COLEC12: variants seen among roughly 807,000 people sequenced by gnomAD.
COLEC12 encodes collectin-12.
In COLEC12, 33 loss-of-function variants were observed where a neutral mutation model predicts 71.1. The observed-to-expected ratio is 0.46, with a 90% CI of 0.35 to 0.62. The LOEUF (loss-of-function observed/expected upper bound fraction) is 0.62, where lower values mean the gene tolerates loss of function less well. COLEC12 is among the 20% of genes least tolerant of loss of function. The probability of loss-of-function intolerance (pLI) is 0.00; values close to 1 mark genes in which losing one functional copy is unlikely to be tolerated. For missense variants in COLEC12, 765 were observed against 916.1 expected, an observed-to-expected ratio of 0.84 and a Z score of 2.13; for synonymous variants, 350 against 353.0, an observed-to-expected ratio of 0.99 and a Z score of 0.10.
chr18:346,758 G>A lies in COLEC12; in HGVS notation c.864C>T (p.Ser288=). 7 of 1,614,214 alleles carry A rather than the reference G, an allele frequency of 4.3e-6. No individual in the cohort carries two copies. Among genetic ancestry groups the A allele is most frequent in the Non-Finnish European group, 5.9e-6 (7 of 1,180,046 alleles). The change falls in exon 5 of 10, where the codon AGC becomes AGT. Residue 288 remains serine, a synonymous_variant. Coordinates refer to ENST00000400256, the MANE Select transcript of COLEC12 (RefSeq NM_130386.3). The surrounding 1 kb of genome is among the most constrained non-coding windows in gnomAD (Gnocchi z 4.0). The part of the protein sequence containing the change: ...ANNDTLEDMN[S]QLNSFTGQME... ...TCTGACCTGTGAATGAGTTGAGCTGGCTGTTCATATCCTCCAGGGTGTCGT... is the reference window on the plus strand; with the variant it reads ...TCTGACCTGTGAATGAGTTGAGCTGACTGTTCATATCCTCCAGGGTGTCGT...
At chr18:395,210 T>C (rs1915544864) in intron 2 of COLEC12, among the ~76,000 whole-genome samples, 1 of 152,338 alleles carries the variant, frequency 6.6e-6, no homozygotes, top group East Asian at 1.9e-4. Context: ...ATGTGTTATG[T>C]ATGTTGCTTG....
chr18:493,909 G>A lies in COLEC12; in HGVS notation c.7+6599C>T, dbSNP rs922772913. Among the ~76,000 whole-genome samples the A allele has an allele frequency of 3.3e-5, 5 of 151,972 alleles. 1 individual carries two copies. Among genetic ancestry groups the A allele is most frequent in the Admixed American group, 1.3e-4 (2 of 15,246 alleles). On this transcript the variant is annotated intron_variant, in intron 1 of 9. Coordinates refer to ENST00000400256, the MANE Select transcript of COLEC12 (RefSeq NM_130386.3). Reference sequence around the variant, plus strand: ...GATTCCTTGATGTCATATCCTTACTGGATAAAACCGGACACTGGATTTGAA... The same window carrying A: ...GATTCCTTGATGTCATATCCTTACTAGATAAAACCGGACACTGGATTTGAA...
chr18:489,614 T>C (rs118085701), intron 1 of COLEC12, among the ~76,000 whole-genome samples: 5,576 of 152,178 alleles, frequency 0.037, 181 homozygotes, highest in Admixed American at 0.12. Flanking sequence ...AATAATGATG[T>C]ATATATGAGG....
intron 2 of COLEC12, among the ~76,000 whole-genome samples, chr18:368,675 T>C (rs12968429): frequency 0.038 from 5,825 of 151,584 alleles, 173 homozygotes; most frequent in Non-Finnish European, 0.064. Context: ...CCAGCCTGGC[T>C]AACATGGTGA....
intron 2 of COLEC12, among the ~76,000 whole-genome samples, chr18:384,470 C>T (rs1050511978): frequency 2.6e-5 from 4 of 151,990 alleles, no homozygotes; most frequent in African/African-American, 7.3e-5. Context: ...AGGACTGCCA[C>T]GTGTAAGAGG....
chr18:494,065 T>C (rs907031565), intron 1 of COLEC12, among the ~76,000 whole-genome samples: 6 of 152,134 alleles, frequency 3.9e-5, no homozygotes, highest in African/African-American at 9.7e-5. Context: ...CTATAACAAA[T>C]AGAAAAACTG....
At chr18:477,707 T>C (rs1917332680) in intron 2 of COLEC12, among the ~76,000 whole-genome samples, 1 of 152,172 alleles carries the variant, frequency 6.6e-6, no homozygotes, top group Non-Finnish European at 1.5e-5. Context: ...CCATCTGACA[T>C]CTCTCTTAAC....
At chr18:400,225 A>T (rs559556039) in intron 2 of COLEC12, among the ~76,000 whole-genome samples, 1 of 152,066 alleles carries the variant, frequency 6.6e-6, no homozygotes, top group East Asian at 1.9e-4. Flanking sequence ...GGTGTGCTCT[A>T]AAAAAATGGA....
At chr18:442,948 G>C (rs1205647833) in intron 2 of COLEC12, among the ~76,000 whole-genome samples, 1 of 152,180 alleles carries the variant, frequency 6.6e-6, no homozygotes, top group African/African-American at 2.4e-5. Context: ...GCGACAGAGC[G>C]AGACTCTGTC....
At position 498,377 on chromosome 18, in the gene COLEC12, T is replaced by TG. The variant is rs1178071975; in HGVS notation, c.7+2130_7+2131insC. On this transcript the variant is annotated intron_variant, in intron 1 of 9. Transcript: ENST00000400256. ...ATATTTTTTTTCTTTTTTTTTTTTT[T>TG]AGACGGAGTCTCGCTCTTGTCACCC... Among the ~76,000 whole-genome samples, 12 of 138,254 alleles carry TG rather than the reference T, an allele frequency of 8.7e-5. 1 individual carries two copies. The highest frequency in any genetic ancestry group is 3.4e-4 in the African/African-American group (12 of 34,822). The allele number at this position is 138,254 out of a possible 152,430, so 90.7% of individuals were successfully genotyped here. A position where few individuals can be genotyped will look rare whatever the true frequency, so the allele number is the denominator to read the frequency against.
At chr18:426,114 A>C (rs958669176) in intron 2 of COLEC12, among the ~76,000 whole-genome samples, 1 of 152,078 alleles carries the variant, frequency 6.6e-6, no homozygotes. Context: ...GGTCAGCCTC[A>C]CTCCTCTCTT....
intron 2 of COLEC12, among the ~76,000 whole-genome samples, chr18:380,265 G>A (rs1331056923): frequency 6.6e-6 from 1 of 152,032 alleles, no homozygotes; most frequent in Non-Finnish European, 1.5e-5. Context: ...ACATTATGCT[G>A]GCTCTTCCCT....
intron 2 of COLEC12, among the ~76,000 whole-genome samples, chr18:416,866 T>A (rs956308275): frequency 2.1e-3 from 5 of 2,370 alleles, no homozygotes; most frequent in African/African-American, 4.9e-3. Context: ...GTGGGGGCGG[T>A]GGGGGGTGGG....
chr18:463,113 G>A (rs1395532853), intron 2 of COLEC12, among the ~76,000 whole-genome samples: 1 of 152,102 alleles, frequency 6.6e-6, no homozygotes, highest in Non-Finnish European at 1.5e-5. Context: ...CATTCCCACT[G>A]GCCTCCTCCT....
chr18:466,372 G>A (rs4797174), intron 2 of COLEC12, among the ~76,000 whole-genome samples: 35,242 of 152,002 alleles, frequency 0.23, 4,162 homozygotes, highest in East Asian at 0.36. Flanking sequence ...AAGTTCCGTG[G>A]CCCTCCGCCT....
intron 2 of COLEC12, among the ~76,000 whole-genome samples, chr18:370,827 C>G (rs1039158033): frequency 6.6e-6 from 1 of 152,158 alleles, no homozygotes; most frequent in African/African-American, 2.4e-5. Flanking sequence ...TCTGGAAAAG[C>G]AACTAGAAGC....
chr18:388,344 CAG>C lies in COLEC12; in HGVS notation c.59-30824_59-30823del, dbSNP rs201357737. On this transcript the variant is annotated intron_variant, in intron 2 of 9. Transcript: ENST00000400256. Reference sequence around the variant, plus strand: ...TAGAGGCCTAGATTGATGTTTCAGTCAGAGTTATCCGTATAATCTCTAACTAA... The same window carrying C: ...TAGAGGCCTAGATTGATGTTTCAGTCAGTTATCCGTATAATCTCTAACTAA... Among the ~76,000 whole-genome samples the C allele has an allele frequency of 9.1e-3, 1,382 of 152,290 alleles. 22 individuals are homozygous for C. The highest frequency in any genetic ancestry group is 0.031 in the African/African-American group (1,286 of 41,554).
intron 2 of COLEC12, among the ~76,000 whole-genome samples, chr18:404,135 G>C (rs989347752): frequency 1.3e-5 from 2 of 152,180 alleles, no homozygotes; most frequent in African/African-American, 2.4e-5. Flanking sequence ...TGAAAGCATT[G>C]CTAGATGAAC....
At chr18:372,561 G>A (rs1915023683) in intron 2 of COLEC12, among the ~76,000 whole-genome samples, 1 of 152,084 alleles carries the variant, frequency 6.6e-6, no homozygotes, top group Admixed American at 6.5e-5. Flanking sequence ...GGGACTACAT[G>A]TGTGCACCAC....
Sources: allele counts gnomAD v4.1 joint callset (sites outside exome capture counted in the v4.1 genomes callset), GRCh38; gene constraint gnomAD v4.1.1; non-coding constraint Gnocchi (gnomAD v3.1); transcripts MANE v1.5; gene names NCBI Gene and HGNC (gene_info 2026-07-23, HGNC 2026-07-21).